The following GLYATL2 variants were observed in gnomAD, a reference collection of about 807,000 sequenced individuals.
GLYATL2 encodes the protein glycine-N-acyltransferase like 2.
GLYATL2 carries 25 observed loss-of-function variants against 21.4 expected under a neutral mutation model. The observed-to-expected ratio is 1.17, with a 90% CI of 0.85 to 1.63. The LOEUF (loss-of-function observed/expected upper bound fraction) is 1.63. Ranked by LOEUF, GLYATL2 falls within the 40% of genes most tolerant of loss-of-function variation. The pLI, the probability that GLYATL2 is intolerant of heterozygous loss-of-function variation, is 0.00. For synonymous variants in GLYATL2, 114 were observed against 118.2 expected, an observed-to-expected ratio of 0.96 and a Z score of 0.23; for missense variants, 361 against 343.3, an observed-to-expected ratio of 1.05 and a Z score of -0.41.
intron 1 of GLYATL2, among the ~76,000 whole-genome samples, chr11:58,896,514 A>G (rs1271526579): frequency 6.6e-6 from 1 of 152,204 alleles, no homozygotes; most frequent in Non-Finnish European, 1.5e-5. Context: ...ACATTTCCCT[A>G]GACAAATGAT....
At chr11:58,866,631 C>T (rs982170740) in intron 1 of GLYATL2, among the ~76,000 whole-genome samples, 14 of 148,918 alleles carry the variant, frequency 9.4e-5, no homozygotes, top group African/African-American at 3.2e-4. Context: ...AAATCTTTTT[C>T]CCTAGAAGGA....
intron 1 of GLYATL2, among the ~76,000 whole-genome samples, chr11:58,902,752 T>C (rs1307134507): frequency 1.3e-5 from 2 of 152,200 alleles, no homozygotes; most frequent in Non-Finnish European, 2.9e-5. Flanking sequence ...TATAATAAAA[T>C]CCAGCCAACA....
At position 58,889,845 on chromosome 11, in the gene GLYATL2, C is replaced by G. The variant is rs184791553; in HGVS notation, n.60+14311G>C. On this transcript the variant is annotated intron_variant and non_coding_transcript_variant, in intron 1 of 4. Transcript: ENST00000533636. ...TCCTTGCCAGATTTGGCATTAGGAG[C>G]TTTTCATCTGTTACCAAAGTCTAGT... 1.2e-3 allele frequency among the ~76,000 whole-genome samples: 187 copies of G among 152,200 alleles called. 1 individual carries two copies. Among genetic ancestry groups the G allele is most frequent in the African/African-American group, 4.3e-3 (179 of 41,528 alleles).
At chr11:58,883,320 G>A (rs1342164700) in intron 1 of GLYATL2, among the ~76,000 whole-genome samples, 3 of 152,030 alleles carry the variant, frequency 2.0e-5, no homozygotes, top group Admixed American at 6.6e-5. Flanking sequence ...TAGACCAATA[G>A]CAAGACTAAT....
chr11:58,905,476 AT>A (rs1467739223), upstream of GLYATL2: 2 of 456,134 alleles, frequency 4.4e-6, no homozygotes, highest in Admixed American at 2.3e-5. Context: ...TTGGCGGGCT[AT>A]TCCCCTTGCA....
At chr11:58,895,698 A>T (rs1410241008) in intron 1 of GLYATL2, among the ~76,000 whole-genome samples, 1 of 152,174 alleles carries the variant, frequency 6.6e-6, no homozygotes, top group Non-Finnish European at 1.5e-5. Flanking sequence ...TTAATAAAAA[A>T]CCAGCCCCCA....
chr11:58,895,832 C>T (rs1412207614), intron 1 of GLYATL2, among the ~76,000 whole-genome samples: 2 of 151,716 alleles, frequency 1.3e-5, no homozygotes, highest in East Asian at 3.9e-4. Flanking sequence ...ACCTGGAAGC[C>T]AGGCATATTC....
At chr11:58,858,566 A>C (rs1353057993) in intron 1 of GLYATL2, among the ~76,000 whole-genome samples, 1 of 152,118 alleles carries the variant, frequency 6.6e-6, no homozygotes. Context: ...TTTATTTACT[A>C]TCCACTACTC....
At chr11:58,879,685 G>A (rs1854297384) in intron 1 of GLYATL2, among the ~76,000 whole-genome samples, 1 of 152,144 alleles carries the variant, frequency 6.6e-6, no homozygotes, top group African/African-American at 2.4e-5. Flanking sequence ...TACAGGGAAC[G>A]AGTAATTGTG....
chr11:58,875,453 C>A (rs1314144258), intron 1 of GLYATL2, among the ~76,000 whole-genome samples: 1 of 152,138 alleles, frequency 6.6e-6, no homozygotes, highest in Non-Finnish European at 1.5e-5. Flanking sequence ...ATGTTTAGTG[C>A]TTCCTTCAGG....
intron 1 of GLYATL2, among the ~76,000 whole-genome samples, chr11:58,875,328 C>G (rs1038743091): frequency 2.0e-5 from 3 of 152,174 alleles, no homozygotes; most frequent in African/African-American, 7.2e-5. Context: ...TTGATCCTGT[C>G]ATTATGACGT....
At chr11:58,861,457 TTTC>T (rs1264026453) in intron 1 of GLYATL2, among the ~76,000 whole-genome samples, 3 of 151,950 alleles carry the variant, frequency 2.0e-5, no homozygotes, top group Admixed American at 2.0e-4. Flanking sequence ...TTTATCTTTT[TTTC>T]TTTTTTTCCC....
chr11:58,903,315 T>C (rs1854770717), intron 1 of GLYATL2, among the ~76,000 whole-genome samples: 1 of 152,158 alleles, frequency 6.6e-6, no homozygotes, highest in South Asian at 2.1e-4. Context: ...ATTTTGTATT[T>C]ATCATTTGCC....
intron 1 of GLYATL2, among the ~76,000 whole-genome samples, chr11:58,872,567 T>C (rs1468208548): frequency 6.6e-6 from 1 of 152,250 alleles, no homozygotes; most frequent in South Asian, 2.1e-4. Context: ...CTTGTTCTTG[T>C]CAGGTTTGTC....
intron 1 of GLYATL2, among the ~76,000 whole-genome samples, chr11:58,903,740 G>C (rs554070902): frequency 6.6e-6 from 1 of 152,230 alleles, no homozygotes; most frequent in South Asian, 2.1e-4. Context: ...ATAAGTCCTA[G>C]TTTCCCTCTC....
intron 1 of GLYATL2, among the ~76,000 whole-genome samples, chr11:58,854,849 G>T (rs574100769): frequency 6.6e-6 from 1 of 152,144 alleles, no homozygotes; most frequent in Non-Finnish European, 1.5e-5. Flanking sequence ...TCTTCACCAC[G>T]AGTAGTTTCT....
chr11:58,859,283 A>G (rs1853889158), intron 1 of GLYATL2, among the ~76,000 whole-genome samples: 1 of 151,910 alleles, frequency 6.6e-6, no homozygotes, highest in Non-Finnish European at 1.5e-5. Context: ...ACCCTAGGGA[A>G]TACCTGGATT....
chr11:58,851,683 G>T (rs1853743756), intron 1 of GLYATL2, among the ~76,000 whole-genome samples: 2 of 152,184 alleles, frequency 1.3e-5, no homozygotes. Context: ...ACTATTATAT[G>T]GTTCCTGGGT....
upstream of GLYATL2, among the ~76,000 whole-genome samples, chr11:58,847,662 A>T (rs550569719): frequency 6.6e-6 from 1 of 152,206 alleles, no homozygotes; most frequent in African/African-American, 2.4e-5. Flanking sequence ...CCTCAGCTCA[A>T]CTGCAATATA....
Sources: gnomAD v4.1 joint callset for allele counts (sites outside exome capture counted in the v4.1 genomes callset) on GRCh38, gnomAD v4.1.1 for gene constraint, MANE v1.5 for transcripts, NCBI Gene and HGNC (gene_info 2026-07-23, HGNC 2026-07-21) for gene names.